Variants in PTP4A1 observed in about 807,000 individuals in gnomAD.
The protein encoded by PTP4A1 is protein tyrosine phosphatase 4A1, also known as protein tyrosine phosphatase type IVA 1.
A neutral mutation model predicts 20.5 loss-of-function variants in PTP4A1; 9 were observed. That is an observed-to-expected ratio of 0.44 (90% CI 0.26 to 0.77). The LOEUF is 0.77. Among genes scored for constraint, PTP4A1 ranks in the 30% least tolerant of loss-of-function variants. The pLI is 0.19. For missense variants in PTP4A1, 137 were observed against 218.8 expected (o/e 0.63, Z 2.36); for synonymous variants, 78 against 67.4 (o/e 1.16, Z -0.77).
At chr6:63,535,488 A>C (rs367580510) in intron 2 of PTP4A1, among the ~76,000 whole-genome samples, 1 of 152,290 alleles carries the variant, frequency 6.6e-6, no homozygotes, top group South Asian at 2.1e-4. Flanking sequence ...AAAAAGCAAT[A>C]ATATGCATTT....
chr6:63,564,829 C>T (rs144452170), intron 3 of PTP4A1, among the ~76,000 whole-genome samples: 12 of 152,162 alleles, frequency 7.9e-5, no homozygotes, highest in Non-Finnish European at 1.5e-4. Context: ...GAAATTTCAC[C>T]AAATTTGCTA....
At chr6:63,579,134 A>G (rs1224403506) in intron 4 of PTP4A1, 106 bp downstream of exon 4, 6 of 1,385,222 alleles carry the variant, frequency 4.3e-6, no homozygotes, top group African/African-American at 3.0e-5. Context: ...AACATTTGTC[A>G]TAGGTATTAC....
chr6:63,578,818 T>C (rs1224049933), intron 3 of PTP4A1, 80 bp from the exon 4 acceptor site: 2 of 1,320,350 alleles, frequency 1.5e-6, no homozygotes, highest in Non-Finnish European at 2.0e-6. Context: ...TTTGAAAACA[T>C]TTCCATGTTA....
chr6:63,545,882 G>T (rs1776160919), intron 2 of PTP4A1, among the ~76,000 whole-genome samples: 1 of 151,916 alleles, frequency 6.6e-6, no homozygotes, highest in African/African-American at 2.4e-5. Context: ...AGAAAAGAAA[G>T]AAAAATAAAA....
At chr6:63,563,072 T>C (rs1483234275) in intron 3 of PTP4A1, among the ~76,000 whole-genome samples, 1 of 152,366 alleles carries the variant, frequency 6.6e-6, no homozygotes, top group East Asian at 1.9e-4. Context: ...TCCACTGTCC[T>C]GATCATAGTC....
At chr6:63,532,762 T>C (rs556496904) in intron 2 of PTP4A1, among the ~76,000 whole-genome samples, 3 of 152,270 alleles carry the variant, frequency 2.0e-5, no homozygotes, top group Admixed American at 1.3e-4. Flanking sequence ...CACATGAGCA[T>C]GTTCAATCAG....
chr6:63,541,076 C>A (rs1401472377), intron 2 of PTP4A1, among the ~76,000 whole-genome samples: 2 of 151,698 alleles, frequency 1.3e-5, no homozygotes, highest in African/African-American at 4.8e-5. Flanking sequence ...AGAAAGAAAT[C>A]CTCACAGAAT....
At chr6:63,574,438 G>A (rs1378432040) in intron 1 of PTP4A1, among the ~76,000 whole-genome samples, 5 of 152,136 alleles carry the variant, frequency 3.3e-5, no homozygotes, top group Admixed American at 3.3e-4. Context: ...GTCTTGGGCG[G>A]AACAGAAATC....
intron 2 of PTP4A1, among the ~76,000 whole-genome samples, chr6:63,538,696 A>G (rs1413490530): frequency 6.6e-6 from 1 of 152,198 alleles, no homozygotes; most frequent in Non-Finnish European, 1.5e-5. Flanking sequence ...TTTTGCCTAC[A>G]ATAGTTCAAA....
intron 1 of PTP4A1, among the ~76,000 whole-genome samples, chr6:63,525,239 A>T (rs1775107608): frequency 6.6e-6 from 1 of 152,164 alleles, no homozygotes; most frequent in African/African-American, 2.4e-5. Flanking sequence ...GCTAGTTATT[A>T]GTACTCTTTC....
chr6:63,521,562 T>C (rs1375944055), upstream of PTP4A1, among the ~76,000 whole-genome samples: 1 of 152,220 alleles, frequency 6.6e-6, no homozygotes, highest in Non-Finnish European at 1.5e-5. Flanking sequence ...TATACTACCA[T>C]TAACCACCAA....
chr6:63,548,774 C>G, intron 2 of PTP4A1: 1 of 718,542 alleles, frequency 1.4e-6, no homozygotes, highest in Non-Finnish European at 2.5e-6. Flanking sequence ...AAGCCACAGA[C>G]TTGGGACCCA....
intron 3 of PTP4A1, among the ~76,000 whole-genome samples, chr6:63,560,574 A>AT (rs977563003): frequency 1.6e-4 from 24 of 151,120 alleles, no homozygotes; most frequent in Admixed American, 6.6e-4. Context: ...TAATCTGTGT[A>AT]TTTTTTTTAA....
intron 1 of PTP4A1, among the ~76,000 whole-genome samples, chr6:63,573,012 C>T (rs1359491718): frequency 1.3e-5 from 2 of 152,034 alleles, no homozygotes; most frequent in African/African-American, 2.4e-5. Flanking sequence ...CGCGGTCCGG[C>T]TTCTGCGGCG....
intron 3 of PTP4A1, among the ~76,000 whole-genome samples, chr6:63,560,310 C>T (rs1776881606): frequency 6.9e-6 from 1 of 144,022 alleles, no homozygotes; most frequent in Admixed American, 7.1e-5. Context: ...TGCACTCCAG[C>T]CTGGGTGACA....
At chr6:63,568,020 C>A (rs1276788065), upstream of PTP4A1, among the ~76,000 whole-genome samples, 2 of 152,200 alleles carry the variant, frequency 1.3e-5, no homozygotes, top group African/African-American at 2.4e-5. Context: ...TAAGGCCTTG[C>A]TCTGAATTAG....
chr6:63,542,798 A>G (rs1305678174), intron 2 of PTP4A1, among the ~76,000 whole-genome samples: 3 of 151,916 alleles, frequency 2.0e-5, no homozygotes, highest in Non-Finnish European at 4.4e-5. Flanking sequence ...CATCCTTTCC[A>G]TTGCTCTATA....
intron 2 of PTP4A1, chr6:63,549,466 C>T: frequency 2.5e-6 from 2 of 794,810 alleles, no homozygotes; most frequent in African/African-American, 1.7e-5. Context: ...GACAGCAGGG[C>T]CGGAGCCACC....
chr6:63,543,245 C>T (rs1776056424), intron 2 of PTP4A1, among the ~76,000 whole-genome samples: 1 of 152,182 alleles, frequency 6.6e-6, no homozygotes, highest in Admixed American at 6.5e-5. Context: ...CAGGAAACCC[C>T]TCAGTCCCAG....
Sources: gnomAD v4.1 joint callset for allele counts (sites outside exome capture counted in the v4.1 genomes callset) on GRCh38, gnomAD v4.1.1 for gene constraint, MANE v1.5 for transcripts, NCBI Gene and HGNC (gene_info 2026-07-23, HGNC 2026-07-21) for gene names.